SKA2: variants seen among roughly 807,000 people sequenced by gnomAD.
SKA2 encodes spindle and kinetochore associated complex subunit 2.
A neutral mutation model predicts 16.9 loss-of-function variants in SKA2; 13 were observed. The observed-to-expected ratio is 0.77, with a 90% confidence interval of 0.50 to 1.22. SKA2 has a LOEUF of 1.22. SKA2 is among the 50% of genes most tolerant of loss of function. The probability of loss-of-function intolerance (pLI) is 0.00; values close to 1 mark genes in which losing one functional copy is unlikely to be tolerated. For synonymous variants in SKA2, 47 were observed against 48.5 expected (o/e 0.97, Z 0.13); for missense variants, 107 against 139.7 (o/e 0.77, Z 1.18).
intron 2 of SKA2, among the ~76,000 whole-genome samples, chr17:59,120,454 C>T (rs570967070): frequency 6.6e-6 from 1 of 151,588 alleles, no homozygotes. Context: ...CACTGTGTTG[C>T]CCAGGCTGGT....
At chr17:59,145,996 AAAAAC>A (rs1193997198) in intron 1 of SKA2, among the ~76,000 whole-genome samples, 1 of 152,058 alleles carries the variant, frequency 6.6e-6, no homozygotes, top group Non-Finnish European at 1.5e-5. Flanking sequence ...TCTCAAAAAA[AAAAAC>A]AAAAGGAAAC....
chr17:59,132,340 GA>G (rs1252242394), intron 1 of SKA2, among the ~76,000 whole-genome samples: 6 of 147,896 alleles, frequency 4.1e-5, no homozygotes, highest in Admixed American at 6.8e-5. Context: ...TGGGCGACAA[GA>G]ATGAAACTCC....
chr17:59,152,021 C>T (rs2046581303), intron 1 of SKA2, among the ~76,000 whole-genome samples: 1 of 152,114 alleles, frequency 6.6e-6, no homozygotes, highest in African/African-American at 2.4e-5. Context: ...TTCCTTAGTT[C>T]CAAGCTAATT....
At chr17:59,136,551 CT>C (rs879557756) in intron 1 of SKA2, among the ~76,000 whole-genome samples, 1,898 of 144,288 alleles carry the variant, frequency 0.013, 31 homozygotes, top group African/African-American at 0.041. Flanking sequence ...GAAAAATAAG[CT>C]TTTTTTTTTT....
At chr17:59,124,786 T>A (rs1209371459) in intron 2 of SKA2, among the ~76,000 whole-genome samples, 1 of 152,134 alleles carries the variant, frequency 6.6e-6, no homozygotes, top group Non-Finnish European at 1.5e-5. Context: ...TACATGTTTT[T>A]ATGACATTAG....
intron 3 of SKA2, among the ~76,000 whole-genome samples, chr17:59,115,032 C>G (rs1388557560): frequency 6.8e-6 from 1 of 146,566 alleles, no homozygotes; most frequent in African/African-American, 2.5e-5. Flanking sequence ...AATTTCTTTT[C>G]TTCTTTTTTT....
intron 1 of SKA2, chr17:59,151,308 C>A: frequency 2.4e-6 from 1 of 424,102 alleles, no homozygotes; most frequent in Non-Finnish European, 4.6e-6. Flanking sequence ...CCATTTTGGA[C>A]AGAAAAACAT....
At chr17:59,138,775 T>C (rs538583643) in intron 1 of SKA2, among the ~76,000 whole-genome samples, 15 of 152,110 alleles carry the variant, frequency 9.9e-5, no homozygotes, top group Non-Finnish European at 1.9e-4. Context: ...AGGCTTTAAG[T>C]AAGTGGCACA....
At chr17:59,146,955 C>T (rs778573094) in intron 1 of SKA2, among the ~76,000 whole-genome samples, 2 of 152,176 alleles carry the variant, frequency 1.3e-5, no homozygotes, top group African/African-American at 2.4e-5. Context: ...TAGGCGTGAG[C>T]CACTGCACCT....
intron 1 of SKA2, among the ~76,000 whole-genome samples, chr17:59,137,170 C>T (rs1197799490): frequency 6.6e-6 from 1 of 152,054 alleles, no homozygotes; most frequent in African/African-American, 2.4e-5. Context: ...ACGTGCACTA[C>T]CAAACCCAGC....
At chr17:59,113,287 T>C (rs900159649) in intron 3 of SKA2, among the ~76,000 whole-genome samples, 1 of 151,834 alleles carries the variant, frequency 6.6e-6, no homozygotes, top group African/African-American at 2.4e-5. Context: ...TTCGGGAGGC[T>C]GAGGCGGGTG....
At chr17:59,120,252 A>G (rs1453301135) in intron 2 of SKA2, among the ~76,000 whole-genome samples, 1 of 151,934 alleles carries the variant, frequency 6.6e-6, no homozygotes, top group Non-Finnish European at 1.5e-5. Flanking sequence ...ATGTATAAAT[A>G]TCAATTTACT....
chr17:59,135,149 G>T (rs2046435550), intron 1 of SKA2, among the ~76,000 whole-genome samples: 1 of 151,638 alleles, frequency 6.6e-6, no homozygotes, highest in East Asian at 1.9e-4. Context: ...TTAAGAGAGA[G>T]GTTTCCACTA....
intron 3 of SKA2, among the ~76,000 whole-genome samples, chr17:59,114,684 C>T (rs1488684394): frequency 6.6e-6 from 1 of 152,082 alleles, no homozygotes; most frequent in Non-Finnish European, 1.5e-5. Context: ...ATAGCATCCA[C>T]CAAAAGCAGG....
intron 2 of SKA2, among the ~76,000 whole-genome samples, chr17:59,120,978 C>G (rs567625036): frequency 6.6e-6 from 1 of 151,870 alleles, no homozygotes; most frequent in Non-Finnish European, 1.5e-5. Flanking sequence ...CGGTGAAACC[C>G]CGTCTCTACG....
rs1599678131 is a variant in SKA2 at position 59,145,347 on chromosome 17, T to C, written c.33+9784A>G. 2.0e-5 allele frequency among the ~76,000 whole-genome samples: 3 copies of C among 152,182 alleles called. No individual in the cohort carries two copies. The South Asian group carries it at 6.2e-4, about 31-fold the overall frequency. ...CTCCTAGCTCTCCCTCTCAACAGTA[T>C]ACTGCAACCCTTGCAGTTTCCCCCA... is the stretch of plus-strand genomic sequence containing the variant. On this transcript the variant is annotated intron_variant, in intron 1 of 3. Transcript: ENST00000330137.
chr17:59,128,336 C>T (rs1433602373), intron 2 of SKA2, among the ~76,000 whole-genome samples: 4 of 151,586 alleles, frequency 2.6e-5, no homozygotes, highest in Non-Finnish European at 5.9e-5. Flanking sequence ...TAGAAACATC[C>T]TAAGTGGGCC....
intron 3 of SKA2, among the ~76,000 whole-genome samples, chr17:59,114,004 T>C (rs188625258): frequency 1.3e-5 from 2 of 152,252 alleles, no homozygotes; most frequent in African/African-American, 4.8e-5. Flanking sequence ...GCAAATGGCT[T>C]TAACGGTGCT....
chr17:59,154,073 C>T (rs1005009822), intron 1 of SKA2, among the ~76,000 whole-genome samples: 2 of 150,008 alleles, frequency 1.3e-5, no homozygotes, highest in South Asian at 2.1e-4. Flanking sequence ...CCCGGCCAAT[C>T]GTATTTAACA....
Sources: allele counts gnomAD v4.1 joint callset (sites outside exome capture counted in the v4.1 genomes callset), GRCh38; gene constraint gnomAD v4.1.1; transcripts MANE v1.5; gene names NCBI Gene and HGNC (gene_info 2026-07-23, HGNC 2026-07-21).